Variants in LINGO2 observed in about 807,000 individuals in gnomAD.
LINGO2 encodes leucine rich repeat and Ig domain containing 2.
A neutral mutation model predicts 30.6 loss-of-function variants in LINGO2; 14 were observed. That is an observed-to-expected ratio of 0.46 (90% CI 0.30 to 0.72). The LOEUF (loss-of-function observed/expected upper bound fraction) is 0.72. LINGO2 is among the 30% of genes least tolerant of loss of function. LINGO2 has a pLI of 0.07. For missense variants in LINGO2, 729 were observed against 751.7 expected (o/e 0.97, Z 0.35); for synonymous variants, 317 against 288.5 (o/e 1.10, Z -1.00).
chr9:28,842,649 A>G, the LINGO2 span, among the ~76,000 whole-genome samples: 249 of 152,016 alleles, frequency 1.6e-3, 3 homozygotes, highest in African/African-American at 5.7e-3. Context: ...CAGAAAGGCT[A>G]AGAATAACTT....
At chr9:28,375,632 G>A (rs546500344) in intron 2 of LINGO2, among the ~76,000 whole-genome samples, 1 of 152,322 alleles carries the variant, frequency 6.6e-6, no homozygotes, top group South Asian at 2.1e-4. Flanking sequence ...GAATCCTAAA[G>A]ATGTGGTAAA....
chr9:28,551,816 G>C (rs1479838057), intron 1 of LINGO2, among the ~76,000 whole-genome samples: 1 of 151,978 alleles, frequency 6.6e-6, no homozygotes, highest in Non-Finnish European at 1.5e-5. Flanking sequence ...GGCAGACCTT[G>C]CTCTCTGACA....
intron 4 of LINGO2, among the ~76,000 whole-genome samples, chr9:28,122,101 A>C (rs911592249): frequency 2.6e-5 from 4 of 152,190 alleles, no homozygotes; most frequent in Admixed American, 2.0e-4. Context: ...ACTACTTTTT[A>C]CTTAATTTCC....
chr9:28,266,459 A>G (rs1315245836), intron 4 of LINGO2, among the ~76,000 whole-genome samples: 1 of 151,990 alleles, frequency 6.6e-6, no homozygotes, highest in Non-Finnish European at 1.5e-5. Context: ...AGAATTTCCC[A>G]GATTTCTCTC....
At chr9:28,254,087 G>A (rs760376453) in intron 4 of LINGO2, among the ~76,000 whole-genome samples, 1 of 151,966 alleles carries the variant, frequency 6.6e-6, no homozygotes, top group Admixed American at 6.6e-5. Flanking sequence ...GTGTGACAAG[G>A]ACCCCCGTCT....
At chr9:29,064,585 T>C in the LINGO2 span, among the ~76,000 whole-genome samples, 1 of 152,088 alleles carries the variant, frequency 6.6e-6, no homozygotes, top group African/African-American at 2.4e-5. Flanking sequence ...CTTTTACATA[T>C]GTTTCTATGA....
In LINGO2 at chr9:28,205,359, T is replaced by A. The variant is rs561384438; in HGVS notation, c.-87+89849A>T. 2.6e-5 allele frequency among the ~76,000 whole-genome samples: 4 copies of A among 152,286 alleles called. No individual in the cohort carries two copies. The East Asian group carries it at 7.7e-4, about 29-fold the overall frequency. On this transcript the variant is annotated intron_variant, in intron 4 of 5. Coordinates refer to ENST00000379992, the Ensembl canonical transcript of LINGO2. ...AGATATTTACATCTGATACTTCCCATCCTCAGATCTTAACTCAAACGTCAC... is the reference window on the plus strand; with the variant it reads ...AGATATTTACATCTGATACTTCCCAACCTCAGATCTTAACTCAAACGTCAC...
intron 5 of LINGO2, among the ~76,000 whole-genome samples, chr9:27,987,156 G>A (rs1469546617): frequency 6.6e-6 from 1 of 151,830 alleles, no homozygotes. Context: ...GAAAGTAGAT[G>A]TCTTCTAAAA....
chr9:27,973,358 C>G (rs1820443178), intron 5 of LINGO2, among the ~76,000 whole-genome samples: 1 of 152,096 alleles, frequency 6.6e-6, no homozygotes, highest in Non-Finnish European at 1.5e-5. Context: ...AGGGAGGTAC[C>G]TATGAATCTT....
chr9:28,942,299 T>A, the LINGO2 span, among the ~76,000 whole-genome samples: 1 of 152,196 alleles, frequency 6.6e-6, no homozygotes, highest in Non-Finnish European at 1.5e-5. Context: ...TATAAAGCTA[T>A]ATAAAACTAT....
At chr9:28,433,943 C>CTATATATATATATATATATATATATAAA (rs1220018056) in intron 2 of LINGO2, among the ~76,000 whole-genome samples, 1 of 50,828 alleles carries the variant, frequency 2.0e-5, no homozygotes, top group African/African-American at 5.1e-5. Context: ...CTCTCTCTCT[C>CTATATATATATATATATATATATATAAA]TCTCTCTATA....
At chr9:28,888,548 G>T in the LINGO2 span, among the ~76,000 whole-genome samples, 292 of 152,058 alleles carry the variant, frequency 1.9e-3, 1 homozygote, top group African/African-American at 6.6e-3. Flanking sequence ...TTCCTGCAAG[G>T]TCTATAAATT....
intron 2 of LINGO2, among the ~76,000 whole-genome samples, chr9:28,418,529 T>G (rs1214719459): frequency 6.6e-6 from 1 of 152,058 alleles, no homozygotes; most frequent in African/African-American, 2.4e-5. Context: ...TGCCCGCCTG[T>G]GCCTCCCAAA....
At chr9:28,643,349 C>A (rs1260025056) in intron 1 of LINGO2, among the ~76,000 whole-genome samples, 1 of 151,872 alleles carries the variant, frequency 6.6e-6, no homozygotes, top group Non-Finnish European at 1.5e-5. Flanking sequence ...GACACATAGA[C>A]CAACGGAACA....
At chr9:29,050,829 C>A in the LINGO2 span, among the ~76,000 whole-genome samples, 5 of 151,980 alleles carry the variant, frequency 3.3e-5, no homozygotes, top group Middle Eastern at 3.4e-3. Flanking sequence ...TGTCTTTAAG[C>A]CTCAATTTAG....
the LINGO2 span, among the ~76,000 whole-genome samples, chr9:29,082,016 C>G: frequency 1.1e-4 from 16 of 152,016 alleles, no homozygotes; most frequent in Non-Finnish European, 1.5e-4. Context: ...AGGTAATTTA[C>G]AGATTCAATG....
At chr9:28,254,442 T>A (rs943590644) in intron 4 of LINGO2, among the ~76,000 whole-genome samples, 1 of 152,100 alleles carries the variant, frequency 6.6e-6, no homozygotes, top group Non-Finnish European at 1.5e-5. Flanking sequence ...AATAGACTAC[T>A]TTTAGGGCAC....
chr9:28,837,924 T>C, the LINGO2 span, among the ~76,000 whole-genome samples: 4 of 151,872 alleles, frequency 2.6e-5, no homozygotes, highest in Admixed American at 2.0e-4. Flanking sequence ...TATATGCTAT[T>C]AGAAGTCCCT....
At chr9:29,052,540 G>A in the LINGO2 span, among the ~76,000 whole-genome samples, 1 of 152,106 alleles carries the variant, frequency 6.6e-6, no homozygotes, top group African/African-American at 2.4e-5. Flanking sequence ...AAATCCTTGT[G>A]TGTTTAAAAA....
Sources: gnomAD v4.1 joint callset for allele counts (sites outside exome capture counted in the v4.1 genomes callset) on GRCh38, gnomAD v4.1.1 for gene constraint, MANE v1.5 for transcripts, NCBI Gene and HGNC (gene_info 2026-07-23, HGNC 2026-07-21) for gene names.